STX18: variants seen among roughly 807,000 people sequenced by gnomAD.
The protein encoded by STX18 is syntaxin-18.
STX18 carries 40 observed loss-of-function variants against 50.1 expected under a neutral mutation model. The ratio of observed to expected loss-of-function variants is 0.80; its 90% CI spans 0.62 to 1.04. The LOEUF (loss-of-function observed/expected upper bound fraction) is 1.04. Among genes scored for constraint, STX18 ranks in the 50% least tolerant of loss-of-function variants. STX18 has a pLI of 0.00. For missense variants in STX18, 410 were observed against 415.8 expected (o/e 0.99, Z 0.12); for synonymous variants, 158 against 151.8 (o/e 1.04, Z -0.30).
chr4:4,489,051 A>AT (rs961145267), intron 1 of STX18, among the ~76,000 whole-genome samples: 5 of 152,018 alleles, frequency 3.3e-5, no homozygotes, highest in South Asian at 2.1e-4. Flanking sequence ...ACTCAAACTG[A>AT]TTTTTTTTCT....
At chr4:4,525,162 A>AGGCCTTT (rs1463375304) in intron 1 of STX18, among the ~76,000 whole-genome samples, 1 of 152,180 alleles carries the variant, frequency 6.6e-6, no homozygotes, top group Non-Finnish European at 1.5e-5. Flanking sequence ...CTTTTTGAAA[A>AGGCCTTT]GGCCTTTATG....
At chr4:4,507,815 T>TAAAAAAAA (rs879049430) in intron 1 of STX18, 2 of 219,338 alleles carry the variant, frequency 9.1e-6, no homozygotes, top group Non-Finnish European at 1.6e-5. Flanking sequence ...ATATTCACAG[T>TAAAAAAAA]AAAAAAAAAA....
intron 1 of STX18, chr4:4,476,210 T>C (rs1728167466): frequency 1.3e-5 from 2 of 152,222 alleles, no homozygotes; most frequent in Non-Finnish European, 1.5e-5. Context: ...TAAATATGTC[T>C]CCATCAGAGA....
chr4:4,458,173 C>T (rs1489673724), intron 3 of STX18, among the ~76,000 whole-genome samples: 3 of 152,104 alleles, frequency 2.0e-5, no homozygotes, highest in Admixed American at 1.3e-4. Context: ...ATAGCAATTC[C>T]GAGTTTCCTG....
intron 7 of STX18, 51 bp from the exon 8 acceptor site, chr4:4,425,273 G>C (rs569210692): frequency 6.5e-7 from 1 of 1,538,644 alleles, no homozygotes; most frequent in African/African-American, 1.4e-5. Flanking sequence ...ACTTAGGCAA[G>C]AGTCTAGCAA....
At chr4:4,489,655 T>C (rs901890263) in intron 1 of STX18, among the ~76,000 whole-genome samples, 1 of 152,242 alleles carries the variant, frequency 6.6e-6, no homozygotes, top group African/African-American at 2.4e-5. Context: ...TTAAAGAAAC[T>C]AGCAAATTGC....
In STX18 at chr4:4,420,751, C is replaced by T. The variant is rs1455173952; in HGVS notation, c.912+113G>A. On this transcript the variant is annotated intron_variant, in intron 10 of 10. Coordinates refer to ENST00000306200, the MANE Select transcript of STX18 (RefSeq NM_016930.4). The surrounding 1 kb of genome is among the most constrained non-coding windows in gnomAD (Gnocchi z 4.3). ...CGGTCACACAATTTTGTGATCAGCCCCGTGAGCTCTGCCCAGCAAGGCTCC... is the reference window on the plus strand; with the variant it reads ...CGGTCACACAATTTTGTGATCAGCCTCGTGAGCTCTGCCCAGCAAGGCTCC... The T allele has an allele frequency of 3.1e-6, 3 of 956,910 alleles. No individual in the cohort carries two copies. Among genetic ancestry groups the T allele is most frequent in the African/African-American group, 3.2e-5 (2 of 61,884 alleles). 59.3% of individuals were successfully genotyped at this position (956,910 alleles called of 1,614,324 possible).
intron 1 of STX18, chr4:4,507,729 T>C (rs780609631): frequency 2.3e-6 from 3 of 1,288,786 alleles, no homozygotes; most frequent in African/African-American, 3.0e-5. Context: ...CTGGTGTCTC[T>C]AAGAAGCTCA....
intron 2 of STX18, among the ~76,000 whole-genome samples, chr4:4,468,979 A>G (rs1335202075): frequency 6.6e-6 from 1 of 152,244 alleles, no homozygotes; most frequent in East Asian, 1.9e-4. Context: ...ACTGGTATAC[A>G]CAACATGCAA....
intron 1 of STX18, among the ~76,000 whole-genome samples, chr4:4,510,498 G>T (rs1729945512): frequency 6.6e-6 from 1 of 151,954 alleles, no homozygotes; most frequent in African/African-American, 2.4e-5. Context: ...AAAAAGTCAG[G>T]AAACAGAGAT....
At chr4:4,438,654 T>C (rs1725920835) in intron 5 of STX18, 145 bp from the exon 6 acceptor site, 2 of 630,960 alleles carry the variant, frequency 3.2e-6, no homozygotes, top group Admixed American at 2.9e-5. Flanking sequence ...CCAGTGGCCA[T>C]CCGGACACAC....
intron 1 of STX18, among the ~76,000 whole-genome samples, chr4:4,486,032 C>T (rs913120224): frequency 1.3e-5 from 2 of 152,208 alleles, no homozygotes; most frequent in African/African-American, 2.4e-5. Flanking sequence ...CCTCCAGGCA[C>T]ATGGTAACTC....
chr4:4,436,748 C>A (rs1725797792), intron 6 of STX18, among the ~76,000 whole-genome samples: 1 of 152,154 alleles, frequency 6.6e-6, no homozygotes, highest in African/African-American at 2.4e-5. Flanking sequence ...CCTACTCTGG[C>A]ATTCAAGGCC....
At chr4:4,460,025 C>G (rs890381858) in intron 2 of STX18, among the ~76,000 whole-genome samples, 1 of 152,180 alleles carries the variant, frequency 6.6e-6, no homozygotes, top group Non-Finnish European at 1.5e-5. Flanking sequence ...CTTAATGAGG[C>G]CTTCCCTAAT....
intron 9 of STX18, among the ~76,000 whole-genome samples, chr4:4,422,700 G>T (rs1725033556): frequency 6.6e-6 from 1 of 152,224 alleles, no homozygotes; most frequent in South Asian, 2.1e-4. Flanking sequence ...TTGAAGCAGG[G>T]TAGTGTTATT....
intron 1 of STX18, among the ~76,000 whole-genome samples, chr4:4,476,585 A>G (rs1431346952): frequency 2.6e-5 from 4 of 152,240 alleles, no homozygotes; most frequent in Admixed American, 1.3e-4. Flanking sequence ...ATTTCACTAA[A>G]GAATCTCCTA....
At chr4:4,423,140 A>G (rs1355994925) in intron 9 of STX18, among the ~76,000 whole-genome samples, 1 of 152,244 alleles carries the variant, frequency 6.6e-6, no homozygotes, top group Non-Finnish European at 1.5e-5. Context: ...TCTCTCAAAC[A>G]GAGAATAACC....
At chr4:4,514,164 TC>T (rs1178540938) in intron 1 of STX18, among the ~76,000 whole-genome samples, 1 of 152,202 alleles carries the variant, frequency 6.6e-6, no homozygotes, top group East Asian at 1.9e-4. Flanking sequence ...ACTGACTATT[TC>T]TGCAAGGCTT....
intron 1 of STX18, chr4:4,507,258 A>C: frequency 2.9e-6 from 2 of 689,712 alleles, no homozygotes; most frequent in Non-Finnish European, 5.5e-6. Context: ...TGTACTATAA[A>C]GAGTCCGGCA....
Sources: allele counts gnomAD v4.1 joint callset (sites outside exome capture counted in the v4.1 genomes callset), GRCh38; gene constraint gnomAD v4.1.1; non-coding constraint Gnocchi (gnomAD v3.1); transcripts MANE v1.5; gene names NCBI Gene and HGNC (gene_info 2026-07-23, HGNC 2026-07-21).